ACVR2A: variants seen among roughly 807,000 people sequenced by gnomAD.
The protein encoded by ACVR2A is activin receptor type-2A.
ACVR2A carries 7 observed loss-of-function variants against 61.4 expected under a neutral mutation model. The observed-to-expected ratio is 0.11, with a 90% confidence interval of 0.06 to 0.21. The LOEUF (loss-of-function observed/expected upper bound fraction) is 0.21. ACVR2A is among the 10% of genes least tolerant of loss of function. The pLI is 1.00. For missense variants in ACVR2A, 322 were observed against 621.7 expected (o/e 0.52, Z 5.13); for synonymous variants, 193 against 208.3 (o/e 0.93, Z 0.63).
intron 1 of ACVR2A, among the ~76,000 whole-genome samples, chr2:147,861,847 G>A (rs1403000015): frequency 6.6e-6 from 1 of 150,978 alleles, no homozygotes; most frequent in African/African-American, 2.5e-5. Flanking sequence ...ATTTCTAAAA[G>A]TGTATCTTGT....
chr2:147,868,682 A>G (rs1685937390), intron 1 of ACVR2A, among the ~76,000 whole-genome samples: 1 of 151,716 alleles, frequency 6.6e-6, no homozygotes, highest in Admixed American at 6.6e-5. Context: ...CCCAGGCTGG[A>G]GTGCAGTGAC....
Position 147,906,818 on chromosome 2 carries a change from A to ATTT in ACVR2A, c.528+6939_528+6941dup, listed in dbSNP as rs369876665. Reference sequence around the variant, plus strand: ...GGGTTCTGTCCTGTTTATCAAGTCCATTTTTTTTTTTTTTTTTTTTTAACT... The same window carrying ATTT: ...GGGTTCTGTCCTGTTTATCAAGTCCATTTTTTTTTTTTTTTTTTTTTTTTAACT... On this transcript the variant is annotated intron_variant, in intron 4 of 10. Transcript: ENST00000241416. Among the ~76,000 whole-genome samples the ATTT allele has an allele frequency of 4.3e-3, 526 of 123,398 alleles. 4 individuals carry two copies. The highest frequency in any genetic ancestry group is 8.0e-3 in the Non-Finnish European group (470 of 59,004). The allele number at this position is 123,398 out of a possible 152,430, so 81.0% of individuals were successfully genotyped here.
At chr2:147,906,145 C>G (rs2105202119) in intron 4 of ACVR2A, among the ~76,000 whole-genome samples, 1 of 152,094 alleles carries the variant, frequency 6.6e-6, no homozygotes, top group African/African-American at 2.4e-5. Context: ...CATCCTAGAC[C>G]TTGTTCTTTC....
chr2:147,877,314 A>T (rs1458992309), intron 1 of ACVR2A: 2 of 152,130 alleles, frequency 1.3e-5, no homozygotes, highest in East Asian at 3.8e-4. Context: ...AAAATGATGG[A>T]TGTAAACATT....
chr2:147,892,716 G>A (rs959454171), intron 1 of ACVR2A, among the ~76,000 whole-genome samples: 1 of 151,566 alleles, frequency 6.6e-6, no homozygotes, highest in South Asian at 2.1e-4. Flanking sequence ...CTGTTTCTCC[G>A]TTCAGTTTTT....
chr2:147,865,303 G>C (rs746823618), intron 1 of ACVR2A, among the ~76,000 whole-genome samples: 1 of 152,052 alleles, frequency 6.6e-6, no homozygotes. Context: ...CTCCACATCC[G>C]TACCTTTTGT....
rs1573923045 is a variant in ACVR2A at position 147,872,594 on chromosome 2, T to G, written c.56-23707T>G. On this transcript the variant is annotated intron_variant, in intron 1 of 10. Coordinates refer to ENST00000241416, the MANE Select transcript of ACVR2A (RefSeq NM_001616.5). Reference sequence around the variant, plus strand: ...GGCTACTAGATGAACATGGTAGAAGTCTGTGGTCCCTGAGTCATTTTGTTG... The same window carrying G: ...GGCTACTAGATGAACATGGTAGAAGGCTGTGGTCCCTGAGTCATTTTGTTG... 2.7e-5 allele frequency among the ~76,000 whole-genome samples: 4 copies of G among 150,152 alleles called. No individual in the cohort carries two copies. In the Admixed American group the frequency reaches 2.7e-4, roughly 10 times the overall value.
intron 7 of ACVR2A, among the ~76,000 whole-genome samples, 191 bp downstream of exon 7, chr2:147,918,783 T>TTAC (rs1687311464): frequency 6.6e-6 from 1 of 152,080 alleles, no homozygotes. Context: ...ATGTTAACAT[T>TTAC]ATTGGTAAAG....
At position 147,924,216 on chromosome 2, in the gene ACVR2A, C is replaced by T. The variant is rs564505142; in HGVS notation, c.1216+1105C>T. Among the ~76,000 whole-genome samples, 4 of 152,122 alleles carry T rather than the reference C, an allele frequency of 2.6e-5. No individual in the cohort carries two copies. In the South Asian group the frequency reaches 6.2e-4, roughly 24 times the overall value. ...ATGGAAGCAGAAGTAGGTTAGATGG[C>T]AGATGTTATAGGAAAATATATTTTA... On this transcript the variant is annotated intron_variant, in intron 9 of 10. Transcript: ENST00000241416.
chr2:147,878,675 G>A (rs1182407807), intron 1 of ACVR2A, among the ~76,000 whole-genome samples: 1 of 152,032 alleles, frequency 6.6e-6, no homozygotes. Context: ...TCAGGAGGCC[G>A]AGGTTGGTGG....
intron 1 of ACVR2A, among the ~76,000 whole-genome samples, chr2:147,857,532 TAA>T (rs1003153545): frequency 1.3e-4 from 15 of 111,464 alleles, no homozygotes; most frequent in Non-Finnish European, 1.8e-4. Flanking sequence ...TGGTTTTCTT[TAA>T]AAAAAAAAAA....
chr2:147,864,061 G>A (rs908304092), intron 1 of ACVR2A, among the ~76,000 whole-genome samples: 4 of 152,078 alleles, frequency 2.6e-5, no homozygotes. Flanking sequence ...GCTCATTGGT[G>A]CCTGTTTCCT....
At chr2:147,924,465 A>C (rs1237028717) in intron 9 of ACVR2A, among the ~76,000 whole-genome samples, 2 of 152,002 alleles carry the variant, frequency 1.3e-5, no homozygotes, top group Non-Finnish European at 2.9e-5. Flanking sequence ...AAGAAATACA[A>C]GCATGTGTTT....
At chr2:147,881,469 A>G (rs1180546998) in intron 1 of ACVR2A, among the ~76,000 whole-genome samples, 1 of 151,922 alleles carries the variant, frequency 6.6e-6, no homozygotes, top group African/African-American at 2.4e-5. Flanking sequence ...GTGTGTCTGT[A>G]TCTGTGACTT....
chr2:147,868,041 T>C (rs1303668012), intron 1 of ACVR2A, among the ~76,000 whole-genome samples: 2 of 152,216 alleles, frequency 1.3e-5, no homozygotes, highest in African/African-American at 4.8e-5. Flanking sequence ...TTCTACATTA[T>C]TATTTTCTCT....
In ACVR2A at chr2:147,880,322, C is replaced by T. The variant is rs1427566596; in HGVS notation, c.56-15979C>T. Among the ~76,000 whole-genome samples, 4 of 152,140 alleles carry T rather than the reference C, an allele frequency of 2.6e-5. No homozygotes were observed. The East Asian group carries it at 7.7e-4, about 29-fold the overall frequency. ...AAAGTATTGGGATTACAGGCATGAGCCACTGTGCCTGGCCCCAGTGACATT... is the reference window on the plus strand; with the variant it reads ...AAAGTATTGGGATTACAGGCATGAGTCACTGTGCCTGGCCCCAGTGACATT... On this transcript the variant is annotated intron_variant, in intron 1 of 10. Transcript: ENST00000241416.
intron 1 of ACVR2A, among the ~76,000 whole-genome samples, chr2:147,894,896 G>A (rs1686690711): frequency 6.6e-6 from 1 of 152,042 alleles, no homozygotes; most frequent in African/African-American, 2.4e-5. Context: ...CCATTGTACA[G>A]TTGATCCTTG....
intron 1 of ACVR2A, among the ~76,000 whole-genome samples, chr2:147,881,191 A>T (rs1686289707): frequency 6.6e-6 from 1 of 152,174 alleles, no homozygotes; most frequent in Non-Finnish European, 1.5e-5. Flanking sequence ...TTGAATGATA[A>T]ATCCGAAGTT....
At position 147,845,098 on chromosome 2, in the gene ACVR2A, A is replaced by AGGGAACT; in HGVS notation, c.-52_-46dup. On this transcript the variant is annotated 5_prime_UTR_variant, in exon 1 of 11. Coordinates refer to ENST00000241416, the MANE Select transcript of ACVR2A (RefSeq NM_001616.5). Reference sequence around the variant, plus strand: ...GGAGGTTTGTCTCCGAGGAAGACCCAGGGAACTGGATATCTAGCGAGAACT... The same window carrying AGGGAACT: ...GGAGGTTTGTCTCCGAGGAAGACCCAGGGAACTGGGAACTGGATATCTAGCGAGAACT... 6.9e-7 allele frequency: 1 copy of AGGGAACT among 1,446,812 alleles called. No homozygotes were observed. Among genetic ancestry groups the AGGGAACT allele is most frequent in the Non-Finnish European group, 9.4e-7 (1 of 1,067,776 alleles). 89.6% of individuals were successfully genotyped at this position (1,446,812 alleles called of 1,614,324 possible).
Sources: allele counts gnomAD v4.1 joint callset (sites outside exome capture counted in the v4.1 genomes callset), GRCh38; gene constraint gnomAD v4.1.1; transcripts MANE v1.5; gene names NCBI Gene and HGNC (gene_info 2026-07-23, HGNC 2026-07-21).